The following BZW2 variants were observed in gnomAD, a reference collection of about 807,000 sequenced individuals.
BZW2 encodes basic leucine zipper and W2 domains 2.
A neutral mutation model predicts 53.2 loss-of-function variants in BZW2; 23 were observed. That is an observed-to-expected ratio of 0.43 (90% CI 0.31 to 0.61). The LOEUF is 0.61. BZW2 is among the 20% of genes least tolerant of loss of function. The pLI is 0.09. For synonymous variants in BZW2, 227 were observed against 186.4 expected (o/e 1.22, Z -1.77); for missense variants, 409 against 503.1 (o/e 0.81, Z 1.79).
At chr7:16,702,999 C>G (rs1210483173) in intron 10 of BZW2, among the ~76,000 whole-genome samples, 1 of 152,160 alleles carries the variant, frequency 6.6e-6, no homozygotes, top group East Asian at 1.9e-4. Flanking sequence ...ATAAAAGGGT[C>G]TTTTAAAATC....
At position 16,665,439 on chromosome 7, in the gene BZW2, A is replaced by AGGG; in HGVS notation, c.-5_-4insGGG. On this transcript the variant is annotated 5_prime_UTR_variant, in exon 2 of 12. Coordinates refer to ENST00000258761, the MANE Select transcript of BZW2 (RefSeq NM_014038.3). Reference sequence around the variant, plus strand: ...ATCTTTATTTTCTTTGTTTTCAGAAATTTTATGAATAAGCATCAGAAGCCA... The same window carrying AGGG: ...ATCTTTATTTTCTTTGTTTTCAGAAAGGGTTTTATGAATAAGCATCAGAAGCCA... The AGGG allele has an allele frequency of 6.2e-7, 1 of 1,614,168 alleles. No homozygotes were observed. The highest frequency in any genetic ancestry group is 1.1e-5 in the South Asian group (1 of 91,086).
intron 2 of BZW2, among the ~76,000 whole-genome samples, chr7:16,669,630 G>T (rs985526424): frequency 6.6e-6 from 1 of 152,160 alleles, no homozygotes; most frequent in African/African-American, 2.4e-5. Context: ...ATCCAGAAAG[G>T]GATGTAGGTT....
In BZW2 at chr7:16,666,592, G is replaced by A. The variant is rs140422908; in HGVS notation, c.58+1091G>A. Among the ~76,000 whole-genome samples the A allele has an allele frequency of 4.6e-5, 7 of 152,086 alleles. No homozygotes were observed. In the South Asian group the frequency reaches 6.2e-4, roughly 14 times the overall value. On this transcript the variant is annotated intron_variant, in intron 2 of 11. Transcript: ENST00000258761. The stretch of plus-strand genomic sequence containing the variant: ...TAATTTTTGTATTTTAAGTACAGAC[G>A]GGGTTTCACCATATTGGCCAGGCTG...
At chr7:16,678,062 T>C (rs979305494) in intron 3 of BZW2, among the ~76,000 whole-genome samples, 1 of 149,100 alleles carries the variant, frequency 6.7e-6, no homozygotes, top group Non-Finnish European at 1.5e-5. Context: ...TTCCTGACAC[T>C]CACAATTTAC....
intron 1 of BZW2, among the ~76,000 whole-genome samples, chr7:16,652,478 A>G (rs1782009114): frequency 6.6e-6 from 1 of 152,170 alleles, no homozygotes; most frequent in African/African-American, 2.4e-5. Context: ...CAGACCTGGT[A>G]TATTTGGCAA....
chr7:16,651,533 A>G (rs1781983053), intron 1 of BZW2, among the ~76,000 whole-genome samples: 1 of 152,260 alleles, frequency 6.6e-6, no homozygotes, highest in Non-Finnish European at 1.5e-5. Flanking sequence ...GGACTATTAT[A>G]AACAGGAAAG....
chr7:16,690,247 G>T (rs987851823), intron 7 of BZW2, among the ~76,000 whole-genome samples: 1 of 151,428 alleles, frequency 6.6e-6, no homozygotes, highest in African/African-American at 2.4e-5. Context: ...CTGTCACCCA[G>T]GCTGGAGTGC....
intron 3 of BZW2, among the ~76,000 whole-genome samples, chr7:16,680,365 C>A (rs1782904650): frequency 6.6e-6 from 1 of 152,110 alleles, no homozygotes; most frequent in Admixed American, 6.6e-5. Flanking sequence ...AAATGTTGTT[C>A]TTTGCTTCCA....
intron 2 of BZW2, among the ~76,000 whole-genome samples, chr7:16,669,190 A>G (rs993796176): frequency 2.6e-5 from 4 of 152,218 alleles, no homozygotes; most frequent in Admixed American, 1.3e-4. Context: ...CAGTGGCGCA[A>G]TCTCAGCTCA....
intron 3 of BZW2, among the ~76,000 whole-genome samples, chr7:16,678,831 T>A (rs1157523185): frequency 6.6e-6 from 1 of 151,928 alleles, no homozygotes; most frequent in African/African-American, 2.4e-5. Context: ...GGGGGTGACA[T>A]CACGTGTCGG....
At chr7:16,661,745 T>A (rs1782269095) in intron 1 of BZW2, among the ~76,000 whole-genome samples, 1 of 152,098 alleles carries the variant, frequency 6.6e-6, no homozygotes, top group African/African-American at 2.4e-5. Context: ...GTTTACCATT[T>A]CACATACAAT....
At chr7:16,687,279 T>C (rs773511202) in intron 6 of BZW2, 2 of 152,194 alleles carry the variant, frequency 1.3e-5, no homozygotes, top group Non-Finnish European at 2.9e-5. Flanking sequence ...CTGGAAATTA[T>C]TGTAGTAAAA....
chr7:16,687,509 G>A (rs981208902), intron 6 of BZW2: 6 of 151,994 alleles, frequency 3.9e-5, no homozygotes, highest in African/African-American at 1.5e-4. Flanking sequence ...TTGAGGCCAG[G>A]AGTTTGAGAC....
At chr7:16,695,301 C>T (rs1252458591) in intron 8 of BZW2, among the ~76,000 whole-genome samples, 1 of 152,224 alleles carries the variant, frequency 6.6e-6, no homozygotes, top group African/African-American at 2.4e-5. Context: ...TGACCATCCA[C>T]TATCAGTATA....
Position 16,646,244 on chromosome 7 carries a change from G to T in BZW2, c.-52G>T. On this transcript the variant is annotated 5_prime_UTR_variant, in exon 1 of 12. Coordinates refer to ENST00000258761, the MANE Select transcript of BZW2 (RefSeq NM_014038.3). ...TGCTGCCGCTGCTGCTGCACGAATC[G>T]CCGCAGCCCCCAGCCTTGCGCGTCG... is the stretch of plus-strand genomic sequence containing the variant. The T allele has an allele frequency of 3.0e-6, 1 of 336,930 alleles. No homozygotes were observed. Among genetic ancestry groups the T allele is most frequent in the Non-Finnish European group, 6.0e-6 (1 of 165,360 alleles). 20.9% of individuals were successfully genotyped at this position (336,930 alleles called of 1,614,324 possible). A position where few individuals can be genotyped will look rare whatever the true frequency, so the allele number is the denominator to read the frequency against.
intron 2 of BZW2, among the ~76,000 whole-genome samples, chr7:16,670,489 A>G (rs1460799049): frequency 6.6e-6 from 1 of 152,224 alleles, no homozygotes; most frequent in Admixed American, 6.5e-5. Flanking sequence ...CTTTGTGGGA[A>G]TGACTTTATT....
At chr7:16,694,161 G>T (rs910186212) in intron 7 of BZW2, among the ~76,000 whole-genome samples, 1 of 152,156 alleles carries the variant, frequency 6.6e-6, no homozygotes, top group African/African-American at 2.4e-5. Flanking sequence ...TGGAAATGAG[G>T]TGAAAATATG....
At chr7:16,664,003 C>G (rs1033174124) in intron 1 of BZW2, among the ~76,000 whole-genome samples, 3 of 152,236 alleles carry the variant, frequency 2.0e-5, no homozygotes, top group South Asian at 4.1e-4. Context: ...TTTCTTGTAG[C>G]CTTCTTAAAT....
intron 3 of BZW2, among the ~76,000 whole-genome samples, chr7:16,680,174 A>G (rs1015742109): frequency 6.6e-6 from 1 of 152,182 alleles, no homozygotes; most frequent in African/African-American, 2.4e-5. Context: ...AGGCAAAAAG[A>G]TTCTATGAGT....
Sources: allele counts gnomAD v4.1 joint callset (sites outside exome capture counted in the v4.1 genomes callset), GRCh38; gene constraint gnomAD v4.1.1; transcripts MANE v1.5; gene names NCBI Gene and HGNC (gene_info 2026-07-23, HGNC 2026-07-21).